The following UBA52 variants were observed in gnomAD, a reference collection of about 807,000 sequenced individuals.
The protein encoded by UBA52 is ubiquitin A-52 residue ribosomal protein fusion product 1.
In UBA52, 1 loss-of-function variant was observed where a neutral mutation model predicts 15.3. The observed-to-expected ratio is 0.07, with a 90% CI of 0.02 to 0.31. The LOEUF (loss-of-function observed/expected upper bound fraction) is 0.31. UBA52 is among the 10% of genes least tolerant of loss of function. The probability of loss-of-function intolerance (pLI) is 1.00; values close to 1 mark genes in which losing one functional copy is unlikely to be tolerated. For synonymous variants in UBA52, 50 were observed against 58.3 expected (o/e 0.86, Z 0.65); for missense variants, 87 against 168.0 (o/e 0.52, Z 2.66).
At chr19:18,572,238 A>C (rs1377689391) in intron 1 of UBA52, 1 of 152,240 alleles carries the variant, frequency 6.6e-6, no homozygotes, top group Non-Finnish European at 1.5e-5. Flanking sequence ...TGGAAATACT[A>C]AATTTCTCGA....
upstream of UBA52, chr19:18,567,288 C>T: frequency 8.7e-7 from 1 of 1,153,332 alleles, no homozygotes; most frequent in Non-Finnish European, 1.3e-6. Context: ...CTGTAATGGG[C>T]AGTGGGTCTG....
At chr19:18,573,813 T>G (rs917145050) in intron 3 of UBA52, 65 bp downstream of exon 3, 2 of 1,491,968 alleles carry the variant, frequency 1.3e-6, no homozygotes, top group African/African-American at 2.7e-5. Flanking sequence ...GGAGCATTGA[T>G]GGCCTCAGGG....
chr19:18,573,190 T>C (rs895139212), intron 1 of UBA52, 103 bp from the exon 2 acceptor site: 159 of 1,223,878 alleles, frequency 1.3e-4, no homozygotes, highest in Non-Finnish European at 1.8e-4. Context: ...CCAGTTGGAC[T>C]TGGTGCAGGC....
chr19:18,572,419 T>C (rs1975541191), intron 1 of UBA52: 1 of 152,192 alleles, frequency 6.6e-6, no homozygotes, highest in Admixed American at 6.5e-5. Flanking sequence ...AATCTCCACC[T>C]CCCGGGCTCG....
At chr19:18,566,744 G>C (rs1036432026), upstream of UBA52, among the ~76,000 whole-genome samples, 2 of 151,554 alleles carry the variant, frequency 1.3e-5, no homozygotes, top group Non-Finnish European at 2.9e-5. Context: ...AGTGAGCCAG[G>C]ATGGCACCAC....
At chr19:18,567,219 A>C (rs781126344), upstream of UBA52, 29 of 1,605,852 alleles carry the variant, frequency 1.8e-5, no homozygotes, top group Non-Finnish European at 2.4e-5. Context: ...GCACGTCAGC[A>C]CTCTCCACCC....
At chr19:18,569,181 A>G (rs1941286724), upstream of UBA52, 1 of 158,212 alleles carries the variant, frequency 6.3e-6, no homozygotes, top group Non-Finnish European at 1.4e-5. Context: ...CCATCCATTC[A>G]GCCCTGAGCG....
At chr19:18,568,515 G>A (rs990560009), upstream of UBA52, 22 of 1,613,878 alleles carry the variant, frequency 1.4e-5, no homozygotes, top group Middle Eastern at 1.6e-4. Context: ...CACCAGCCCC[G>A]ACACCGTCTC....
upstream of UBA52, chr19:18,568,766 G>A: frequency 1.5e-6 from 1 of 659,076 alleles, no homozygotes. Flanking sequence ...GGGGGACAAG[G>A]CTCTCTCCCG....
chr19:18,574,513 T>C (rs1211554023), intron 3 of UBA52, among the ~76,000 whole-genome samples: 2 of 152,022 alleles, frequency 1.3e-5, no homozygotes, highest in Non-Finnish European at 2.9e-5. Context: ...GCTGGTCTCT[T>C]AAAGTGCTAG....
chr19:18,568,975 G>C (rs1975394190), upstream of UBA52: 2 of 307,350 alleles, frequency 6.5e-6, no homozygotes, highest in Non-Finnish European at 1.2e-5. Flanking sequence ...AGACACCAGA[G>C]CCAGATGTCC....
chr19:18,564,578 G>C, the UBA52 span, among the ~76,000 whole-genome samples: 4 of 152,154 alleles, frequency 2.6e-5, no homozygotes, highest in Non-Finnish European at 5.9e-5. Flanking sequence ...AGCCGAGATC[G>C]CGCCACTGCA....
At position 18,575,572 on chromosome 19, in the gene UBA52, T is replaced by C. The variant is rs1332908113; in HGVS notation, c.*422T>C. On this transcript the variant is annotated 3_prime_UTR_variant, in exon 5 of 5. Coordinates refer to ENST00000442744, the MANE Select transcript of UBA52 (RefSeq NM_001033930.3). ...GTAGAAAATTAGGTACACCCAATGG[T>C]GTAGAACGTTGATTCTCAAATTTTT... is the stretch of plus-strand genomic sequence containing the variant. 9.6e-6 allele frequency: 2 copies of C among 208,350 alleles called. No homozygotes were observed. The highest frequency in any genetic ancestry group is 2.0e-5 in the Non-Finnish European group (2 of 101,710). The allele number at this position is 208,350 out of a possible 1,614,324, so 12.9% of individuals were successfully genotyped here.
In UBA52 at chr19:18,575,624, A is replaced by G. The variant is rs767014354; in HGVS notation, c.*474A>G. On this transcript the variant is annotated 3_prime_UTR_variant, in exon 5 of 5. Coordinates refer to ENST00000442744, the MANE Select transcript of UBA52 (RefSeq NM_001033930.3). ...TATTTTATACAAATGGGGTCTCACT[A>G]TGTTGTCCAGGCTGGTCTTGAACTC... 4.9e-5 allele frequency: 9 copies of G among 183,456 alleles called. No homozygotes were observed. Among genetic ancestry groups the G allele is most frequent in the East Asian group, 2.9e-4 (2 of 6,936 alleles). The allele number at this position is 183,456 out of a possible 1,614,324, so 11.4% of individuals were successfully genotyped here.
chr19:18,567,431 A>G (rs1397174785), upstream of UBA52: 8 of 682,610 alleles, frequency 1.2e-5, no homozygotes, highest in East Asian at 8.0e-5. Flanking sequence ...CAGCATGACA[A>G]TCCTTATCCC....
At position 18,577,353 on chromosome 19, in the gene UBA52, A is replaced by C. The variant is rs1975830404; in HGVS notation, c.*2203A>C. 1 of 152,164 alleles carries C rather than the reference A, an allele frequency of 6.6e-6. No homozygotes were observed. The highest frequency in any genetic ancestry group is 2.1e-4 in the South Asian group (1 of 4,838). 9.4% of individuals were successfully genotyped at this position (152,164 alleles called of 1,614,324 possible). A position where few individuals can be genotyped will look rare whatever the true frequency, so the allele number is the denominator to read the frequency against. On this transcript the variant is annotated 3_prime_UTR_variant, in exon 5 of 5. Coordinates refer to ENST00000442744, the MANE Select transcript of UBA52 (RefSeq NM_001033930.3). ...AAAGAAAGAAAGGGGAGGGAGTAAC[A>C]GGGATATGAGCTCTAGCCGCCCAAG...
intron 1 of UBA52, chr19:18,572,561 C>G (rs1199078702): frequency 6.5e-6 from 1 of 153,284 alleles, no homozygotes; most frequent in Non-Finnish European, 1.4e-5. Context: ...AACTCTTGAC[C>G]TCAAATGATC....
chr19:18,569,850 A>G (rs1346848391), upstream of UBA52, among the ~76,000 whole-genome samples: 3 of 152,068 alleles, frequency 2.0e-5, no homozygotes, highest in Non-Finnish European at 4.4e-5. Flanking sequence ...CCTGGCCAAC[A>G]TGGTGAAACC....
chr19:18,573,779 C>A, intron 3 of UBA52, 31 bp downstream of exon 3: 1 of 1,602,304 alleles, frequency 6.2e-7, no homozygotes, highest in South Asian at 1.1e-5. Context: ...GGGCAGGGAC[C>A]CAAGATCCCC....
Sources: gnomAD v4.1 joint callset for allele counts (sites outside exome capture counted in the v4.1 genomes callset) on GRCh38, gnomAD v4.1.1 for gene constraint, MANE v1.5 for transcripts, NCBI Gene and HGNC (gene_info 2026-07-23, HGNC 2026-07-21) for gene names.